PRDM7: variants seen among roughly 807,000 people sequenced by gnomAD.
PRDM7 encodes the protein PR/SET domain 7, also known as histone-lysine N-methyltransferase PRDM7.
In PRDM7, 52 loss-of-function variants were observed where a neutral mutation model predicts 64.3. The observed-to-expected ratio is 0.81, with a 90% CI of 0.65 to 1.02. The LOEUF (loss-of-function observed/expected upper bound fraction) is 1.02, where lower values mean the gene tolerates loss of function less well. Among genes scored for constraint, PRDM7 ranks in the 50% least tolerant of loss-of-function variants. The probability of loss-of-function intolerance (pLI) is 0.00; values close to 1 mark genes in which losing one functional copy is unlikely to be tolerated. For missense variants in PRDM7, 574 were observed against 597.1 expected, an observed-to-expected ratio of 0.96 and a Z score of 0.40; for synonymous variants, 192 against 210.1, an observed-to-expected ratio of 0.91 and a Z score of 0.74.
chr16:90,062,075 G>A lies in PRDM7; in HGVS notation c.728C>T (p.Pro243Leu). Residue 243 changes from proline (P) to leucine (L), a missense_variant, in exon 8 of 11, where the codon CCC (proline) becomes CTC (leucine). Coordinates refer to ENST00000449207, the MANE Select transcript of PRDM7 (RefSeq NM_001098173.2). ...GHPNRSALSL[P>L]PGLRIGPSGI... ...TGATGGCCCAATTCTCAGCCCCGGGGGCAGACTGAGGGCTGAACGGTTGGG... is the reference window on the plus strand; with the variant it reads ...TGATGGCCCAATTCTCAGCCCCGGGAGCAGACTGAGGGCTGAACGGTTGGG... 1 of 1,614,230 alleles carries A rather than the reference G, an allele frequency of 6.2e-7. No homozygotes were observed. Among genetic ancestry groups the A allele is most frequent in the Non-Finnish European group, 8.5e-7 (1 of 1,180,026 alleles).
intron 4 of PRDM7, among the ~76,000 whole-genome samples, chr16:90,073,196 A>G (rs2037986585): frequency 6.6e-6 from 1 of 152,216 alleles, no homozygotes; most frequent in African/African-American, 2.4e-5. Context: ...TAAGAGGATC[A>G]TATAGTATGA....
In PRDM7 at chr16:90,068,686, C is replaced by A. The variant is rs978902067; in HGVS notation, c.302-1776G>T. Among the ~76,000 whole-genome samples the A allele has an allele frequency of 8.8e-5, 13 of 147,326 alleles. 1 individual carries two copies. The highest frequency in any genetic ancestry group is 3.3e-4 in the African/African-American group (13 of 39,152). On this transcript the variant is annotated intron_variant, in intron 4 of 10. Transcript: ENST00000449207. ...ACATGAATTCAGCATACAAAAGCAA[C>A]ACCCCAAATCAGTTGTGTTTCTATT... is the stretch of plus-strand genomic sequence containing the variant.
chr16:90,072,796 A>T (rs1231547751), intron 4 of PRDM7, among the ~76,000 whole-genome samples: 3 of 152,244 alleles, frequency 2.0e-5, no homozygotes, highest in Non-Finnish European at 4.4e-5. Flanking sequence ...AGATGTATAG[A>T]TGTGTGGTAA....
At chr16:90,072,897 A>G (rs1298942675) in intron 4 of PRDM7, among the ~76,000 whole-genome samples, 1 of 152,174 alleles carries the variant, frequency 6.6e-6, no homozygotes, top group Non-Finnish European at 1.5e-5. Context: ...TTCCTCTTAC[A>G]TTACATTAAG....
chr16:90,075,254 G>C lies in PRDM7; in HGVS notation c.193+97C>G, dbSNP rs2038019483. The C allele has an allele frequency of 6.3e-7, 1 of 1,590,798 alleles. No individual in the cohort carries two copies. The highest frequency in any genetic ancestry group is 8.6e-7 in the Non-Finnish European group (1 of 1,160,944). On this transcript the variant is annotated intron_variant, in intron 3 of 10. Coordinates refer to ENST00000449207, the MANE Select transcript of PRDM7 (RefSeq NM_001098173.2). This position sits in a 1 kb window ranked among gnomAD's most constrained non-coding sequence, Gnocchi z 4.3. ...ATTTGTCTCCGTGCAAAAGGGAATT[G>C]TGGGCAGATGCCGCCACCTGATAAT...
At chr16:90,063,523 T>C in intron 6 of PRDM7, 89 bp downstream of exon 6, 1 of 1,468,964 alleles carries the variant, frequency 6.8e-7, no homozygotes, top group Non-Finnish European at 9.4e-7. Context: ...CCCAGGCCTA[T>C]CCAAAGTCCA....
intron 4 of PRDM7, among the ~76,000 whole-genome samples, chr16:90,073,304 G>A (rs979365691): frequency 6.6e-6 from 1 of 151,830 alleles, no homozygotes; most frequent in Admixed American, 6.6e-5. Context: ...AAGCTTTTTT[G>A]TGGATTTGCA....
intron 4 of PRDM7, among the ~76,000 whole-genome samples, chr16:90,073,768 G>A (rs903580260): frequency 1.3e-5 from 2 of 151,820 alleles, no homozygotes; most frequent in Admixed American, 6.6e-5. Flanking sequence ...AACCGAGGCC[G>A]GTTTCAGGAG....
intron 1 of PRDM7, among the ~76,000 whole-genome samples, chr16:90,076,331 T>G (rs1207294232): frequency 7.2e-5 from 11 of 152,192 alleles, no homozygotes; most frequent in Admixed American, 2.6e-4. Flanking sequence ...AAGGAGACCT[T>G]GAGGCCCCCT....
At chr16:90,074,789 G>T in intron 4 of PRDM7, 127 bp downstream of exon 4, 1 of 866,200 alleles carries the variant, frequency 1.2e-6, no homozygotes, top group Non-Finnish European at 1.8e-6. Flanking sequence ...TGAGGCAGGA[G>T]AATCGCTTGA....
At chr16:90,071,339 G>A (rs1233208241) in intron 4 of PRDM7, among the ~76,000 whole-genome samples, 19 of 152,164 alleles carry the variant, frequency 1.2e-4, no homozygotes, top group South Asian at 6.2e-4. Context: ...CCAAGCTGGC[G>A]AGGCTGGTCT....
At chr16:90,066,796 T>C in intron 5 of PRDM7, 65 bp downstream of exon 5, 1 of 1,412,688 alleles carries the variant, frequency 7.1e-7, no homozygotes, top group Non-Finnish European at 9.9e-7. Context: ...TACATTCTCC[T>C]TCTCTTACCT....
At chr16:90,064,048 A>T (rs1275881260) in intron 5 of PRDM7, among the ~76,000 whole-genome samples, 3 of 152,228 alleles carry the variant, frequency 2.0e-5, no homozygotes, top group Non-Finnish European at 4.4e-5. Context: ...AATCAGCAAG[A>T]TCTGTGAAAG....
At position 90,057,085 on chromosome 16, in the gene PRDM7, G is replaced by A. The variant is rs8046635; in HGVS notation, c.*1204C>T. 29,076 of 152,208 alleles carry A rather than the reference G, an allele frequency of 0.19. 4,989 individuals carry two copies. The highest frequency in any genetic ancestry group is 0.47 in the African/African-American group (19,277 of 41,380). 9.4% of individuals were successfully genotyped at this position (152,208 alleles called of 1,614,324 possible). A position where few individuals can be genotyped will look rare whatever the true frequency, so the allele number is the denominator to read the frequency against. On this transcript the variant is annotated 3_prime_UTR_variant, in exon 11 of 11. Transcript: ENST00000449207. ...GAAACCCCCACACTCACACAGATACGTACACAGAGGGCACATACCCCCACA... is the reference window on the plus strand; with the variant it reads ...GAAACCCCCACACTCACACAGATACATACACAGAGGGCACATACCCCCACA...
Position 90,057,663 on chromosome 16 carries a change from G to T in PRDM7, c.*626C>A. 8.9e-7 allele frequency: 1 copy of T among 1,120,740 alleles called. No individual in the cohort carries two copies. Among genetic ancestry groups the T allele is most frequent in the Non-Finnish European group, 1.1e-6 (1 of 882,274 alleles). The allele number at this position is 1,120,740 out of a possible 1,614,324, so 69.4% of individuals were successfully genotyped here. ...TATCCCCTGTTCTTCCTCAACTCTA[G>T]TCATGAAAGTGGCGGATTTGTTTAA... On this transcript the variant is annotated 3_prime_UTR_variant, in exon 11 of 11. Coordinates refer to ENST00000449207, the MANE Select transcript of PRDM7 (RefSeq NM_001098173.2).
chr16:90,063,673 C>T lies in PRDM7; in HGVS notation c.447G>A (p.Gln149=). The change falls in exon 6 of 11, where the codon CAG becomes CAA. Residue 149 remains glutamine, a synonymous_variant. Transcript: ENST00000449207. ...CTTCTCCAGGAGGGGACACTGGTTT[C>T]TGAGCCTGCTCTGAGTCACTTGTAT... ...LLNTSDSEQA[Q]KPVSPPGEAS... The T allele has an allele frequency of 6.2e-7, 1 of 1,614,170 alleles. No individual in the cohort carries two copies. Among genetic ancestry groups the T allele is most frequent in the South Asian group, 1.1e-5 (1 of 91,082 alleles).
chr16:90,075,532 TTCC>T lies in PRDM7; in HGVS notation c.70-61_70-59del, dbSNP rs1330919555. 1 of 1,613,670 alleles carries T rather than the reference TTCC, an allele frequency of 6.2e-7. No homozygotes were observed. Among genetic ancestry groups the T allele is most frequent in the Non-Finnish European group, 8.5e-7 (1 of 1,179,770 alleles). On this transcript the variant is annotated intron_variant, in intron 2 of 10. Transcript: ENST00000449207. This position sits in a 1 kb window ranked among gnomAD's most constrained non-coding sequence, Gnocchi z 4.3. ...ACTAATACACATCGAGCTGGTCCTT[TTCC>T]TCTACCCTGCGTGTAGGGCATAGCC...
intron 4 of PRDM7, 132 bp from the exon 5 acceptor site, chr16:90,067,042 G>A (rs1269078618): frequency 1.1e-5 from 8 of 716,626 alleles, no homozygotes; most frequent in Admixed American, 1.9e-5. Context: ...TCCCCTCACT[G>A]CAACCTCCGC....
intron 5 of PRDM7, among the ~76,000 whole-genome samples, chr16:90,064,703 CG>C (rs2037843048): frequency 1.4e-5 from 2 of 146,940 alleles, no homozygotes; most frequent in South Asian, 4.2e-4. Flanking sequence ...TAAGAGCCCC[CG>C]CACCCAGCCC....
Sources: gnomAD v4.1 joint callset for allele counts (sites outside exome capture counted in the v4.1 genomes callset) on GRCh38, gnomAD v4.1.1 for gene constraint, Gnocchi (gnomAD v3.1) non-coding constraint, MANE v1.5 for transcripts, NCBI Gene and HGNC (gene_info 2026-07-23, HGNC 2026-07-21) for gene names.